Variants in SPEF2 observed in about 807,000 individuals in gnomAD.
SPEF2 encodes the protein sperm flagellar and cilia associated 2, also known as sperm flagella and cilia-associated protein 2.
In SPEF2, 187 loss-of-function variants were observed where a neutral mutation model predicts 224.6. The observed-to-expected ratio is 0.83, with a 90% CI of 0.74 to 0.94. The LOEUF (loss-of-function observed/expected upper bound fraction) is 0.94. Ranked by LOEUF, SPEF2 falls within the 40% of genes least tolerant of loss-of-function variation. SPEF2 has a pLI of 0.00. For missense variants in SPEF2, 2,170 were observed against 2,135.6 expected, an observed-to-expected ratio of 1.02 and a Z score of -0.32; for synonymous variants, 715 against 707.3, an observed-to-expected ratio of 1.01 and a Z score of -0.17.
At chr5:35,680,804 A>G (rs1268524990) in intron 10 of SPEF2, among the ~76,000 whole-genome samples, 1 of 152,144 alleles carries the variant, frequency 6.6e-6, no homozygotes, top group Non-Finnish European at 1.5e-5. Flanking sequence ...CTATCTTTGT[A>G]TTTTCTCCAT....
Position 35,654,687 on chromosome 5 carries a change from A to G in SPEF2, c.939A>G (p.Lys313=), listed in dbSNP as rs772548581. Reference sequence around the variant, plus strand: ...AGCAAAGGGAGAAAAGACGGCGGAAATTGTTAATGGACCAGTTAATAGCCC... The same window carrying G: ...AGCAAAGGGAGAAAAGACGGCGGAAGTTGTTAATGGACCAGTTAATAGCCC... ...AREQREKRRR[K]LLMDQLIAHE... The change falls in exon 7 of 37, where the codon AAA becomes AAG. Residue 313 remains lysine (K), a synonymous_variant. Coordinates refer to ENST00000356031, the MANE Select transcript of SPEF2 (RefSeq NM_024867.4). The G allele has an allele frequency of 1.2e-6, 2 of 1,611,868 alleles. No individual in the cohort carries two copies. Among genetic ancestry groups the G allele is most frequent in the Non-Finnish European group, 1.7e-6 (2 of 1,179,586 alleles).
chr5:35,623,530 C>T (rs1254342682), intron 1 of SPEF2, among the ~76,000 whole-genome samples: 2 of 152,186 alleles, frequency 1.3e-5, no homozygotes, highest in African/African-American at 4.8e-5. Flanking sequence ...GCAGCAAAAT[C>T]TGACCAGAAA....
At chr5:35,625,186 T>C (rs1445179606) in intron 1 of SPEF2, among the ~76,000 whole-genome samples, 1 of 152,194 alleles carries the variant, frequency 6.6e-6, no homozygotes, top group Non-Finnish European at 1.5e-5. Context: ...GATATTTTGA[T>C]ACTTACAGAT....
chr5:35,722,379 T>C (rs1359745341), intron 20 of SPEF2, among the ~76,000 whole-genome samples: 1 of 151,862 alleles, frequency 6.6e-6, no homozygotes. Flanking sequence ...GACATGGGAT[T>C]CATGGGGGTT....
chr5:35,764,719 C>T, intron 26 of SPEF2: 2 of 456,192 alleles, frequency 4.4e-6, no homozygotes, highest in Non-Finnish European at 8.8e-6. Flanking sequence ...CAACTGGGCA[C>T]TTTCCAAGTC....
intron 28 of SPEF2, among the ~76,000 whole-genome samples, chr5:35,775,051 C>G (rs1753415922): frequency 6.6e-6 from 1 of 152,096 alleles, no homozygotes; most frequent in African/African-American, 2.4e-5. Flanking sequence ...CACTCTGTGC[C>G]AAGTCCTGTG....
chr5:35,668,427 A>G (rs1203621239), intron 9 of SPEF2, among the ~76,000 whole-genome samples: 1 of 152,154 alleles, frequency 6.6e-6, no homozygotes, highest in African/African-American at 2.4e-5. Flanking sequence ...CTGTGATTTC[A>G]TTTATATAAC....
In SPEF2 at chr5:35,709,421, G is replaced by C. The variant is rs960588368; in HGVS notation, c.2839+300G>C. 20 of 1,133,448 alleles carry C rather than the reference G, an allele frequency of 1.8e-5. No individual in the cohort carries two copies. The Admixed American group carries it at 9.3e-4, about 52-fold the overall frequency. The allele number at this position is 1,133,448 out of a possible 1,614,324, so 70.2% of individuals were successfully genotyped here. A position where few individuals can be genotyped will look rare whatever the true frequency, so the allele number is the denominator to read the frequency against. On this transcript the variant is annotated intron_variant, in intron 19 of 36. Coordinates refer to ENST00000356031, the MANE Select transcript of SPEF2 (RefSeq NM_024867.4). ...ACAGAGTAACAGGTAACTTCAGGCAGATCAAGAGGATACACGTCTGTGTGC... is the reference window on the plus strand; with the variant it reads ...ACAGAGTAACAGGTAACTTCAGGCACATCAAGAGGATACACGTCTGTGTGC...
intron 24 of SPEF2, among the ~76,000 whole-genome samples, chr5:35,758,921 G>A (rs374685785): frequency 3.0e-5 from 4 of 132,492 alleles, no homozygotes; most frequent in East Asian, 5.0e-4. Flanking sequence ...CAGGAAAATC[G>A]CTTGAACCTA....
rs780202687 is a variant in SPEF2, at chr5:35,776,258, A to T, written c.4080A>T (p.Glu1360Asp). 2.6e-5 allele frequency: 41 copies of T among 1,603,262 alleles called. No individual in the cohort carries two copies. Among genetic ancestry groups the T allele is most frequent in the Non-Finnish European group, 3.5e-5 (41 of 1,176,768 alleles). The change falls in exon 29 of 37, where the codon GAA (glutamate) becomes GAT (aspartate). Residue 1360 changes from glutamate (E) to aspartate (D), a missense_variant and splice_region_variant. By Grantham distance (45) the Glu-to-Asp change is conservative. Transcript: ENST00000356031. ...ATTCTTATTTCTCTTTGCAAATAGA[A>T]ATAGCCACGCAATTTCGACTTGAAC... Reference protein sequence around the residue: ...EEHLAALQFEEIATQFRLELI... With the variant: ...EEHLAALQFEDIATQFRLELI...
At chr5:35,741,472 G>A (rs1417453208) in intron 23 of SPEF2, among the ~76,000 whole-genome samples, 1 of 152,180 alleles carries the variant, frequency 6.6e-6, no homozygotes, top group Non-Finnish European at 1.5e-5. Flanking sequence ...GAGTGAGCTA[G>A]GCAACAGTTG....
At chr5:35,687,286 G>C (rs561303155) in intron 10 of SPEF2, among the ~76,000 whole-genome samples, 174 of 152,100 alleles carry the variant, frequency 1.1e-3, no homozygotes, top group Middle Eastern at 0.01. Context: ...AATTAGATCT[G>C]TTTCTGGAAT....
At chr5:35,731,096 A>C (rs1306910691) in intron 21 of SPEF2, among the ~76,000 whole-genome samples, 1 of 152,218 alleles carries the variant, frequency 6.6e-6, no homozygotes, top group Non-Finnish European at 1.5e-5. Flanking sequence ...AAATGAAAAG[A>C]TTTGTAGTTA....
chr5:35,739,191 A>G (rs1157572688), intron 21 of SPEF2, among the ~76,000 whole-genome samples: 4 of 152,170 alleles, frequency 2.6e-5, no homozygotes, highest in Non-Finnish European at 5.9e-5. Flanking sequence ...GAGTCTTCTT[A>G]TAATGGTAAA....
intron 1 of SPEF2, among the ~76,000 whole-genome samples, chr5:35,621,966 C>G (rs1743585099): frequency 6.6e-6 from 1 of 152,114 alleles, no homozygotes. Context: ...GTTACTTCTA[C>G]TACCAAAAGC....
intron 26 of SPEF2, among the ~76,000 whole-genome samples, chr5:35,765,886 T>C (rs913070085): frequency 2.0e-5 from 3 of 152,154 alleles, no homozygotes; most frequent in African/African-American, 7.2e-5. Flanking sequence ...CTGCCTGTAT[T>C]ATATAATTTT....
intron 23 of SPEF2, among the ~76,000 whole-genome samples, chr5:35,748,708 G>A (rs1748945828): frequency 6.6e-6 from 1 of 152,076 alleles, no homozygotes. Context: ...AAAAGTCCAG[G>A]ACCAGGTGGA....
At chr5:35,812,974 C>T (rs1343346020) in intron 36 of SPEF2, among the ~76,000 whole-genome samples, 2 of 152,204 alleles carry the variant, frequency 1.3e-5, no homozygotes, top group Non-Finnish European at 2.9e-5. Context: ...CTGGCTTTCA[C>T]AGGCTCTTCT....
rs1747380999 is a variant in SPEF2, at chr5:35,740,238, A to T, written c.3301A>T (p.Thr1101Ser). 6.2e-7 allele frequency: 1 copy of T among 1,614,046 alleles called. No homozygotes were observed. The highest frequency in any genetic ancestry group is 8.5e-7 in the Non-Finnish European group (1 of 1,180,016). Residue 1101 changes from threonine (T) to serine (S), a missense_variant, in exon 23 of 37, where the codon ACA becomes TCA. Physicochemically the swap from Thr to Ser is moderately conservative, Grantham distance 58. Transcript: ENST00000356031. The part of the protein sequence containing the change: ...LPDDLWDDEE[T>S]KAELHQRVND... Reference sequence around the variant, plus strand: ...TGATGACCTGTGGGATGATGAGGAAACAAAGGCTGAACTACATCAACGAGT... The same window carrying T: ...TGATGACCTGTGGGATGATGAGGAATCAAAGGCTGAACTACATCAACGAGT...
Sources: allele counts gnomAD v4.1 joint callset (sites outside exome capture counted in the v4.1 genomes callset), GRCh38; gene constraint gnomAD v4.1.1; transcripts MANE v1.5; gene names NCBI Gene and HGNC (gene_info 2026-07-23, HGNC 2026-07-21).